BMAL1: variants seen among roughly 807,000 people sequenced by gnomAD.
The protein encoded by BMAL1 is basic helix-loop-helix ARNT-like protein 1.
chr11:13,370,482 G>C, the BMAL1 span, among the ~76,000 whole-genome samples: 1 of 152,214 alleles, frequency 6.6e-6, no homozygotes, highest in Non-Finnish European at 1.5e-5. Flanking sequence ...CTCTCCTCCA[G>C]CATAAATGGC....
At chr11:13,340,506 T>G in the BMAL1 span, among the ~76,000 whole-genome samples, 1 of 152,228 alleles carries the variant, frequency 6.6e-6, no homozygotes, top group Non-Finnish European at 1.5e-5. Context: ...ACAAAGCGGT[T>G]GGACTCTTAA....
the BMAL1 span, among the ~76,000 whole-genome samples, chr11:13,337,403 T>G: frequency 6.6e-6 from 1 of 152,158 alleles, no homozygotes; most frequent in African/African-American, 2.4e-5. Context: ...AAATGAAAAT[T>G]TATTAAATGT....
the BMAL1 span, among the ~76,000 whole-genome samples, chr11:13,363,896 G>C: frequency 1.3e-5 from 2 of 152,094 alleles, no homozygotes; most frequent in Non-Finnish European, 1.5e-5. Context: ...TGCTGGCCAG[G>C]GTGCTATGGA....
chr11:13,378,209 G>A, the BMAL1 span: 1 of 1,285,828 alleles, frequency 7.8e-7, no homozygotes, highest in Non-Finnish European at 1.0e-6. Context: ...TAGCCCTAAA[G>A]TCCCTCAAGG....
the BMAL1 span, among the ~76,000 whole-genome samples, chr11:13,363,446 G>A: frequency 6.5e-4 from 99 of 152,088 alleles, no homozygotes; most frequent in African/African-American, 2.2e-3. Flanking sequence ...TCTCTAGCAC[G>A]TGTCAGTGGC....
At chr11:13,381,268 T>A in the BMAL1 span, 3 of 1,612,786 alleles carry the variant, frequency 1.9e-6, no homozygotes, top group Admixed American at 5.0e-5. Context: ...AGACTGATGA[T>A]TCTTAGCCTA....
chr11:13,378,034 G>T, the BMAL1 span, among the ~76,000 whole-genome samples: 2 of 152,242 alleles, frequency 1.3e-5, no homozygotes, highest in South Asian at 4.2e-4. Flanking sequence ...TGAGGGCAGG[G>T]ACTTGTCTCT....
At chr11:13,292,921 A>G in the BMAL1 span, among the ~76,000 whole-genome samples, 27 of 152,260 alleles carry the variant, frequency 1.8e-4, no homozygotes, top group South Asian at 1.0e-3. Context: ...TTGCAACTAC[A>G]TATAGTTGCA....
the BMAL1 span, chr11:13,355,408 G>A: frequency 2.9e-6 from 3 of 1,046,238 alleles, no homozygotes; most frequent in South Asian, 3.9e-5. Flanking sequence ...AAGACTGCGA[G>A]ATGTTGGCCA....
chr11:13,368,923 AGTTC>A, the BMAL1 span, among the ~76,000 whole-genome samples: 1 of 152,248 alleles, frequency 6.6e-6, no homozygotes, highest in African/African-American at 2.4e-5. Flanking sequence ...ACAACTAATA[AGTTC>A]GTTCACATTC....
the BMAL1 span, among the ~76,000 whole-genome samples, chr11:13,298,824 C>T: frequency 6.6e-6 from 1 of 152,236 alleles, no homozygotes. Context: ...TGAATTAAGT[C>T]ACCACCACCT....
chr11:13,379,449 T>G, the BMAL1 span: 1 of 152,090 alleles, frequency 6.6e-6, no homozygotes, highest in East Asian at 1.9e-4. Flanking sequence ...ACAGGATTAG[T>G]GGGTGTGACT....
At chr11:13,311,701 A>G in the BMAL1 span, among the ~76,000 whole-genome samples, 1 of 152,116 alleles carries the variant, frequency 6.6e-6, no homozygotes, top group Non-Finnish European at 1.5e-5. Flanking sequence ...CCTTCTTTGG[A>G]GCCAAGCTGT....
chr11:13,286,765 C>T, the BMAL1 span, among the ~76,000 whole-genome samples: 1 of 152,246 alleles, frequency 6.6e-6, no homozygotes, highest in African/African-American at 2.4e-5. Flanking sequence ...TGTTCTTGGC[C>T]AACTTATCTT....
At chr11:13,286,753 T>C in the BMAL1 span, among the ~76,000 whole-genome samples, 2 of 152,230 alleles carry the variant, frequency 1.3e-5, no homozygotes, top group Non-Finnish European at 2.9e-5. Flanking sequence ...ATAAGATTTC[T>C]GTGTTCTTGG....
At chr11:13,374,299 T>G in the BMAL1 span, 4 of 1,121,634 alleles carry the variant, frequency 3.6e-6, no homozygotes, top group African/African-American at 6.2e-5. Flanking sequence ...ACTGAGGATG[T>G]AGAGTCAGCC....
chr11:13,306,227 G>C, the BMAL1 span, among the ~76,000 whole-genome samples: 2 of 152,034 alleles, frequency 1.3e-5, no homozygotes, highest in Non-Finnish European at 2.9e-5. Flanking sequence ...GGCCGTGGAG[G>C]CTCAGCCCTG....
chr11:13,343,178 T>C, the BMAL1 span, among the ~76,000 whole-genome samples: 2 of 152,190 alleles, frequency 1.3e-5, no homozygotes, highest in Non-Finnish European at 2.9e-5. Flanking sequence ...ATTTGAACCC[T>C]AGGCACTCAT....
At chr11:13,331,095 G>A in the BMAL1 span, among the ~76,000 whole-genome samples, 1 of 152,192 alleles carries the variant, frequency 6.6e-6, no homozygotes, top group Non-Finnish European at 1.5e-5. Flanking sequence ...TCTCTTGACA[G>A]TGCCCTGCTG....
Sources: allele counts gnomAD v4.1 joint callset (sites outside exome capture counted in the v4.1 genomes callset), GRCh38; gene constraint gnomAD v4.1.1; transcripts MANE v1.5; gene names NCBI Gene and HGNC (gene_info 2026-07-23, HGNC 2026-07-21).